The following AFG1L variants were observed in gnomAD, a reference collection of about 807,000 sequenced individuals.
AFG1L encodes AFG1 like ATPase.
A neutral mutation model predicts 62.2 loss-of-function variants in AFG1L; 53 were observed. That is an observed-to-expected ratio of 0.85 (90% CI 0.68 to 1.07). The LOEUF (loss-of-function observed/expected upper bound fraction) is 1.07, where lower values mean the gene tolerates loss of function less well. Among genes scored for constraint, AFG1L ranks in the 50% least tolerant of loss-of-function variants. AFG1L has a pLI of 0.00. For synonymous variants in AFG1L, 228 were observed against 210.3 expected (o/e 1.08, Z -0.73); for missense variants, 555 against 590.5 (o/e 0.94, Z 0.62).
At chr6:108,509,988 A>G (rs113085090) in intron 10 of AFG1L, among the ~76,000 whole-genome samples, 105 of 152,342 alleles carry the variant, frequency 6.9e-4, no homozygotes, top group African/African-American at 2.0e-3. Context: ...CTCGTTATGC[A>G]TGGATGTGAT....
chr6:108,449,368 C>T (rs1771959167), intron 8 of AFG1L, among the ~76,000 whole-genome samples: 1 of 152,014 alleles, frequency 6.6e-6, no homozygotes, highest in African/African-American at 2.4e-5. Context: ...AGCCTGGGGG[C>T]ACCCCTCAGT....
At chr6:108,297,996 G>A (rs2114810848) in intron 1 of AFG1L, among the ~76,000 whole-genome samples, 1 of 151,880 alleles carries the variant, frequency 6.6e-6, no homozygotes, top group South Asian at 2.1e-4. Context: ...CACTTTGCTT[G>A]CAGTTTCTGT....
At chr6:108,505,006 T>C (rs1774341856) in intron 10 of AFG1L, among the ~76,000 whole-genome samples, 1 of 151,720 alleles carries the variant, frequency 6.6e-6, no homozygotes, top group African/African-American at 2.4e-5. Flanking sequence ...AAAGCAGAAA[T>C]AAGCCAGCCC....
At chr6:108,480,591 A>C (rs1167447202) in intron 10 of AFG1L, among the ~76,000 whole-genome samples, 2 of 152,170 alleles carry the variant, frequency 1.3e-5, no homozygotes, top group African/African-American at 4.8e-5. Flanking sequence ...TGAGGTCAGG[A>C]GTTCAAGACC....
chr6:108,344,400 A>G (rs1410914015), intron 2 of AFG1L, among the ~76,000 whole-genome samples: 1 of 152,178 alleles, frequency 6.6e-6, no homozygotes, highest in Non-Finnish European at 1.5e-5. Flanking sequence ...GGCATGAGCC[A>G]TCGCGCCCAG....
intron 2 of AFG1L, among the ~76,000 whole-genome samples, chr6:108,343,637 G>C (rs1004680967): frequency 6.6e-6 from 1 of 152,164 alleles, no homozygotes; most frequent in African/African-American, 2.4e-5. Context: ...ATTTGAAGCT[G>C]TTCTAAAATT....
chr6:108,401,291 C>G (rs1421041968), intron 6 of AFG1L, among the ~76,000 whole-genome samples: 5 of 151,624 alleles, frequency 3.3e-5, no homozygotes, highest in Non-Finnish European at 7.4e-5. Context: ...TAGAGGCGCC[C>G]GCCACCGCGC....
intron 10 of AFG1L, among the ~76,000 whole-genome samples, chr6:108,509,346 C>T (rs1301958428): frequency 6.6e-6 from 1 of 152,156 alleles, no homozygotes. Context: ...TATTTAAGCC[C>T]TTCAGTATTT....
At chr6:108,384,055 G>T (rs72938608) in intron 6 of AFG1L, among the ~76,000 whole-genome samples, 1 of 142,314 alleles carries the variant, frequency 7.0e-6, no homozygotes, top group African/African-American at 2.8e-5. Flanking sequence ...TGAAGGTCCT[G>T]GAGAGTAAAA....
intron 1 of AFG1L, among the ~76,000 whole-genome samples, chr6:108,317,106 A>G (rs1326125383): frequency 2.0e-5 from 3 of 152,164 alleles, no homozygotes; most frequent in Admixed American, 1.3e-4. Flanking sequence ...ATCAGTGACA[A>G]TTTGGATTGC....
intron 7 of AFG1L, among the ~76,000 whole-genome samples, chr6:108,431,251 C>G (rs1050076545): frequency 9.2e-5 from 14 of 151,954 alleles, no homozygotes; most frequent in Non-Finnish European, 1.9e-4. Context: ...TTAGAGGCAC[C>G]TGCCACCACG....
intron 5 of AFG1L, among the ~76,000 whole-genome samples, chr6:108,361,931 CA>C (rs1388682624): frequency 6.6e-6 from 1 of 152,040 alleles, no homozygotes; most frequent in African/African-American, 2.4e-5. Flanking sequence ...TCTGTATTCC[CA>C]GAATGTAAAC....
intron 1 of AFG1L, among the ~76,000 whole-genome samples, chr6:108,321,061 C>G (rs898737176): frequency 1.3e-5 from 2 of 152,136 alleles, no homozygotes; most frequent in African/African-American, 4.8e-5. Flanking sequence ...TTCTGGCACT[C>G]TTTATTTGAA....
rs117756688 is a variant in AFG1L, at chr6:108,488,874, C to T, written c.1062+11582C>T. Among the ~76,000 whole-genome samples the T allele has an allele frequency of 8.5e-3, 1,293 of 152,004 alleles. 12 individuals are homozygous for T. The highest frequency in any genetic ancestry group is 0.012 in the Non-Finnish European group (848 of 67,926). ...CTCCAGAAACAAACAAACAAAAAAC[C>T]GGAGTTGGCAATTACAGAGTATATT... On this transcript the variant is annotated intron_variant, in intron 10 of 12. Coordinates refer to ENST00000368977, the MANE Select transcript of AFG1L (RefSeq NM_145315.5).
chr6:108,347,980 G>A (rs781374798), intron 3 of AFG1L, among the ~76,000 whole-genome samples: 1 of 151,950 alleles, frequency 6.6e-6, no homozygotes, highest in East Asian at 1.9e-4. Context: ...ACACATTTGC[G>A]TTATGAGGGA....
At chr6:108,503,996 G>A (rs1562200203) in intron 10 of AFG1L, among the ~76,000 whole-genome samples, 1 of 152,238 alleles carries the variant, frequency 6.6e-6, no homozygotes, top group Non-Finnish European at 1.5e-5. Flanking sequence ...TAATTGAAGA[G>A]AGTCAGGGCC....
intron 7 of AFG1L, among the ~76,000 whole-genome samples, chr6:108,409,078 A>G (rs971902724): frequency 6.6e-6 from 1 of 152,326 alleles, no homozygotes; most frequent in Non-Finnish European, 1.5e-5. Context: ...GTGAGTGGAA[A>G]AGTATGATGC....
chr6:108,444,152 CTGCAATACAACAGTAT>C (rs762415633), intron 7 of AFG1L, among the ~76,000 whole-genome samples: 6 of 152,004 alleles, frequency 3.9e-5, no homozygotes, highest in Non-Finnish European at 8.8e-5. Context: ...TTCTAGGCTA[CTGCAATACAACAGTAT>C]TGCAATAAAA....
intron 1 of AFG1L, among the ~76,000 whole-genome samples, chr6:108,312,421 C>G (rs573079784): frequency 1.3e-5 from 2 of 152,182 alleles, no homozygotes; most frequent in East Asian, 3.9e-4. Context: ...GTAGTGTGTA[C>G]CTGTAGTCCC....
Sources: gnomAD v4.1 joint callset for allele counts (sites outside exome capture counted in the v4.1 genomes callset) on GRCh38, gnomAD v4.1.1 for gene constraint, MANE v1.5 for transcripts, NCBI Gene and HGNC (gene_info 2026-07-23, HGNC 2026-07-21) for gene names.